Variants in NDUFAF6 observed in about 807,000 individuals in gnomAD.
NDUFAF6 encodes the protein NADH dehydrogenase (ubiquinone) complex I, assembly factor 6.
In NDUFAF6, 45 loss-of-function variants were observed where a neutral mutation model predicts 40.8. That is an observed-to-expected ratio of 1.10 (90% CI 0.87 to 1.42). NDUFAF6 has a LOEUF of 1.42. Ranked by LOEUF, NDUFAF6 falls within the 40% of genes most tolerant of loss-of-function variation. The pLI is 0.00. For synonymous variants in NDUFAF6, 185 were observed against 155.9 expected (o/e 1.19, Z -1.39); for missense variants, 435 against 418.5 (o/e 1.04, Z -0.34).
chr8:95,052,627 T>G (rs1831571891), intron 8 of NDUFAF6, among the ~76,000 whole-genome samples: 1 of 152,234 alleles, frequency 6.6e-6, no homozygotes, highest in Non-Finnish European at 1.5e-5. Flanking sequence ...GTTCATTTTT[T>G]TTTCCATTGT....
chr8:94,920,441 G>A (rs1367622001), intron 1 of NDUFAF6, among the ~76,000 whole-genome samples: 1 of 152,190 alleles, frequency 6.6e-6, no homozygotes, highest in Non-Finnish European at 1.5e-5. Flanking sequence ...GGAGGGCCAA[G>A]CAGTTCTCTG....
chr8:94,933,558 A>T (rs1820642721), intron 1 of NDUFAF6, among the ~76,000 whole-genome samples: 2 of 152,076 alleles, frequency 1.3e-5, no homozygotes, highest in African/African-American at 2.4e-5. Context: ...TGAAGTCAGG[A>T]GTTTGAGACC....
chr8:94,937,382 G>T (rs571617545), intron 1 of NDUFAF6, among the ~76,000 whole-genome samples: 123 of 150,598 alleles, frequency 8.2e-4, no homozygotes, highest in Non-Finnish European at 1.3e-3. Flanking sequence ...CAGAGGTTGC[G>T]CTGAGCCAAG....
intron 8 of NDUFAF6, among the ~76,000 whole-genome samples, chr8:95,053,979 G>A (rs1831784699): frequency 8.6e-6 from 1 of 116,762 alleles, no homozygotes; most frequent in Admixed American, 1.2e-4. Context: ...CTGTTGCCCA[G>A]GTTCCCAGGT....
downstream of NDUFAF6, among the ~76,000 whole-genome samples, chr8:95,108,053 A>C (rs1014163788): frequency 4.6e-5 from 7 of 152,210 alleles, no homozygotes; most frequent in Non-Finnish European, 8.8e-5. Flanking sequence ...AACGACAAAA[A>C]ACCAGTACAT....
At chr8:95,046,008 A>G (rs1033168832) in intron 5 of NDUFAF6, among the ~76,000 whole-genome samples, 3 of 151,656 alleles carry the variant, frequency 2.0e-5, no homozygotes, top group Non-Finnish European at 2.9e-5. Context: ...CCATGGAAAA[A>G]GAAAAGTAGA....
chr8:94,999,054 C>T (rs1826593132), intron 2 of NDUFAF6, among the ~76,000 whole-genome samples: 1 of 151,568 alleles, frequency 6.6e-6, no homozygotes, highest in Non-Finnish European at 1.5e-5. Context: ...GTAAAACAGA[C>T]ATAAAATGTC....
chr8:95,092,536 G>A (rs1471929772), intron 2 of NDUFAF6, among the ~76,000 whole-genome samples: 2 of 148,926 alleles, frequency 1.3e-5, no homozygotes, highest in Non-Finnish European at 3.0e-5. Context: ...ACCCCAAACT[G>A]GTCAGCATTT....
chr8:94,957,791 A>T (rs945640132), upstream of NDUFAF6, among the ~76,000 whole-genome samples: 7 of 152,150 alleles, frequency 4.6e-5, no homozygotes, highest in African/African-American at 1.7e-4. Flanking sequence ...CACCTCTTGG[A>T]ATGAGGGTTG....
chr8:95,091,498 A>T (rs184205737), intron 2 of NDUFAF6, among the ~76,000 whole-genome samples: 14 of 152,184 alleles, frequency 9.2e-5, no homozygotes, highest in Non-Finnish European at 2.1e-4. Flanking sequence ...GTGAAGACAC[A>T]GAGTCTAACC....
intron 1 of NDUFAF6, among the ~76,000 whole-genome samples, chr8:94,975,150 C>T (rs1824815591): frequency 6.6e-6 from 1 of 152,226 alleles, no homozygotes; most frequent in Non-Finnish European, 1.5e-5. Flanking sequence ...AAGTCTTCCT[C>T]CACCCCCTGT....
At chr8:94,977,592 G>C (rs1825073983) in intron 1 of NDUFAF6, among the ~76,000 whole-genome samples, 1 of 90,502 alleles carries the variant, frequency 1.1e-5, no homozygotes, top group African/African-American at 3.2e-5. Context: ...TAAGCACCCT[G>C]CTGGGTTCTC....
rs117429735 is a variant in NDUFAF6 at position 95,012,980 on chromosome 8, G to A, written c.-83-19015G>A. 2.4e-3 allele frequency among the ~76,000 whole-genome samples: 368 copies of A among 152,134 alleles called. 2 individuals carry two copies. The highest frequency in any genetic ancestry group is 4.0e-3 in the Non-Finnish European group (275 of 68,004). ...TTCAACCTCATTCAACTTCTATCCC[G>A]TCCCTTATCAACCTACTACTCCCAA... On this transcript the variant is annotated intron_variant, in intron 2 of 9. Transcript: ENST00000396111.
chr8:95,005,596 TTTA>T (rs1324069847), intron 2 of NDUFAF6, among the ~76,000 whole-genome samples: 2 of 146,468 alleles, frequency 1.4e-5, no homozygotes, highest in East Asian at 2.0e-4. Flanking sequence ...ATTTATTATT[TTTA>T]TTATTATAAG....
intron 1 of NDUFAF6, among the ~76,000 whole-genome samples, chr8:94,959,183 A>G (rs1051818308): frequency 6.6e-6 from 1 of 152,228 alleles, no homozygotes; most frequent in East Asian, 1.9e-4. Context: ...TGGGGCTGGC[A>G]CTTGACCTCA....
chr8:95,014,124 C>T (rs1453034265), intron 2 of NDUFAF6, among the ~76,000 whole-genome samples: 2 of 152,222 alleles, frequency 1.3e-5, no homozygotes, highest in Non-Finnish European at 2.9e-5. Context: ...TCTCAGACTT[C>T]TCGCTACCAG....
intron 2 of NDUFAF6, among the ~76,000 whole-genome samples, chr8:95,012,511 C>G (rs1827265697): frequency 6.6e-6 from 1 of 152,088 alleles, no homozygotes; most frequent in Non-Finnish European, 1.5e-5. Flanking sequence ...TTTGTTTTCT[C>G]ATTAAAAGTA....
At chr8:95,075,089 C>A (rs940027859) in intron 9 of NDUFAF6, among the ~76,000 whole-genome samples, 1 of 152,120 alleles carries the variant, frequency 6.6e-6, no homozygotes, top group Non-Finnish European at 1.5e-5. Flanking sequence ...GGACAGCTGA[C>A]AAGCAGAACC....
intron 6 of NDUFAF6, 92 bp downstream of exon 6, chr8:95,047,219 A>T: frequency 1.3e-6 from 2 of 1,552,658 alleles, no homozygotes; most frequent in Non-Finnish European, 1.8e-6. Flanking sequence ...TATTCAAGTA[A>T]TTGCTTTGAA....
Sources: allele counts gnomAD v4.1 joint callset (sites outside exome capture counted in the v4.1 genomes callset), GRCh38; gene constraint gnomAD v4.1.1; transcripts MANE v1.5; gene names NCBI Gene and HGNC (gene_info 2026-07-23, HGNC 2026-07-21).